Variants in WIPF3 observed in about 807,000 individuals in gnomAD.
WIPF3 encodes the protein WAS/WASL-interacting protein family member 3.
In WIPF3, 33 loss-of-function variants were observed where a neutral mutation model predicts 38.9. The ratio of observed to expected loss-of-function variants is 0.85; its 90% CI spans 0.64 to 1.14. WIPF3 has a LOEUF of 1.14. WIPF3 is among the 50% of genes most tolerant of loss of function. The pLI is 0.00. For missense variants in WIPF3, 711 were observed against 652.5 expected (o/e 1.09, Z -0.98); for synonymous variants, 324 against 269.3 (o/e 1.20, Z -1.99).
intron 2 of WIPF3, among the ~76,000 whole-genome samples, chr7:29,849,115 A>G (rs1184787624): frequency 6.6e-6 from 1 of 152,062 alleles, no homozygotes; most frequent in Non-Finnish European, 1.5e-5. Context: ...TATTCCCCTT[A>G]TCTCGACCCC....
chr7:29,859,470 A>G (rs1007962959), intron 2 of WIPF3, among the ~76,000 whole-genome samples: 7 of 152,116 alleles, frequency 4.6e-5, no homozygotes, highest in Admixed American at 1.3e-4. Context: ...GGAATGCTTT[A>G]TGTGAGTGTT....
chr7:29,845,902 C>T (rs10488081), intron 2 of WIPF3, among the ~76,000 whole-genome samples: 1,631 of 152,308 alleles, frequency 0.011, 36 homozygotes, highest in East Asian at 0.084. Flanking sequence ...ATGAGCTAAC[C>T]AACCACGATT....
chr7:29,904,014 C>A (rs1006120298), intron 7 of WIPF3, among the ~76,000 whole-genome samples: 2 of 152,074 alleles, frequency 1.3e-5, no homozygotes, highest in African/African-American at 4.8e-5. Context: ...GGATGAGCAT[C>A]CCTGGAGATG....
rs1786578411 is a variant in WIPF3, at chr7:29,914,939, A to C, written c.*423A>C. 6.5e-6 allele frequency: 1 copy of C among 153,474 alleles called. No individual in the cohort carries two copies. The highest frequency in any genetic ancestry group is 2.1e-4 in the South Asian group (1 of 4,840). The allele number at this position is 153,474 out of a possible 1,614,324, so 9.5% of individuals were successfully genotyped here. A position where few individuals can be genotyped will look rare whatever the true frequency, so the allele number is the denominator to read the frequency against. On this transcript the variant is annotated 3_prime_UTR_variant, in exon 9 of 9. Coordinates refer to ENST00000242140, the MANE Select transcript of WIPF3 (RefSeq NM_001080529.3). ...CATAATTTCATATTCTCATCACACT[A>C]ACTGCAAAATCAAACCAAATAATGC... is the stretch of plus-strand genomic sequence containing the variant.
At chr7:29,822,123 G>GTTT in intron 1 of WIPF3, among the ~76,000 whole-genome samples, 12,447 of 62,496 alleles carry the variant, frequency 0.2, 1,436 homozygotes, top group African/African-American at 0.26. Flanking sequence ...TTTTTTCTTA[G>GTTT]TTTTTTTTTT....
chr7:29,845,207 C>G (rs1412341245), intron 2 of WIPF3, among the ~76,000 whole-genome samples: 1 of 152,098 alleles, frequency 6.6e-6, no homozygotes, highest in Non-Finnish European at 1.5e-5. Flanking sequence ...AGATGCAGTG[C>G]AAAGGAACTC....
intron 2 of WIPF3, among the ~76,000 whole-genome samples, chr7:29,862,821 C>T (rs966056035): frequency 1.3e-5 from 2 of 152,156 alleles, no homozygotes; most frequent in Non-Finnish European, 2.9e-5. Context: ...TTCTCTTCTT[C>T]CCCACCTTCC....
intron 2 of WIPF3, among the ~76,000 whole-genome samples, chr7:29,867,283 A>C (rs1158137854): frequency 6.6e-6 from 1 of 152,240 alleles, no homozygotes; most frequent in East Asian, 1.9e-4. Flanking sequence ...GCAAGGAGCC[A>C]TAGGGACCTT....
At chr7:29,848,345 A>G (rs13438578) in intron 2 of WIPF3, among the ~76,000 whole-genome samples, 16,999 of 152,220 alleles carry the variant, frequency 0.11, 1,017 homozygotes, top group African/African-American at 0.15. Flanking sequence ...TCGTCATTTC[A>G]CAAGCAGCTT....
chr7:29,838,162 C>T (rs896814314), intron 2 of WIPF3, among the ~76,000 whole-genome samples: 1 of 152,198 alleles, frequency 6.6e-6, no homozygotes, highest in Non-Finnish European at 1.5e-5. Context: ...TTGTGATCCA[C>T]CTGCCTCAGC....
chr7:29,809,012 C>A lies in WIPF3; in HGVS notation c.-58+2334C>A, dbSNP rs376729965. ...AATGTTGAAGTTTTTAAAAAAGAAA[C>A]CTACACAAATAACTCAGCAAAAGGA... On this transcript the variant is annotated intron_variant, in intron 1 of 8. Transcript: ENST00000242140. Among the ~76,000 whole-genome samples the A allele has an allele frequency of 1.4e-4, 21 of 152,100 alleles. No homozygotes were observed. The East Asian group carries it at 3.3e-3, about 24-fold the overall frequency.
At chr7:29,880,364 A>G (rs1280652138) in intron 4 of WIPF3, among the ~76,000 whole-genome samples, 2 of 152,224 alleles carry the variant, frequency 1.3e-5, no homozygotes, top group Admixed American at 6.5e-5. Flanking sequence ...TCCAGCAAAG[A>G]AAAAGACTCT....
At position 29,888,152 on chromosome 7, in the gene WIPF3, C is replaced by A; in HGVS notation, c.1184C>A (p.Ala395Asp). The A allele has an allele frequency of 6.2e-7, 1 of 1,613,716 alleles. No homozygotes were observed. The highest frequency in any genetic ancestry group is 1.1e-5 in the South Asian group (1 of 91,002). The change falls in exon 6 of 9, where the codon GCC (alanine) becomes GAC (aspartate). Residue 395 changes from alanine to aspartate, a missense_variant. Ala to Asp is a moderately radical substitution (Grantham distance 126, BLOSUM62 -2). Transcript: ENST00000242140. ...TTELSSKSQQ[A>D]TAWTPTQQPG... is the part of the protein sequence containing the mutation. ...GAGCTTTCAAGCAAGAGCCAGCAGG[C>A]CACAGCCTGGACCCCGACGCAGCAG...
chr7:29,884,675 A>G, intron 5 of WIPF3, 82 bp downstream of exon 5: 2 of 1,471,412 alleles, frequency 1.4e-6, no homozygotes, highest in Non-Finnish European at 1.8e-6. Context: ...TGTTGGAGGT[A>G]TTCGTTTCAG....
chr7:29,882,615 C>CT (rs1018920386), intron 4 of WIPF3, among the ~76,000 whole-genome samples: 9 of 152,182 alleles, frequency 5.9e-5, no homozygotes, highest in Non-Finnish European at 1.3e-4. Context: ...ACATCCAGTA[C>CT]TTTAAGTGTA....
intron 2 of WIPF3, among the ~76,000 whole-genome samples, chr7:29,861,419 T>C (rs114122062): frequency 2.6e-5 from 4 of 152,116 alleles, no homozygotes; most frequent in Non-Finnish European, 5.9e-5. Flanking sequence ...ACAAGAGAGA[T>C]TTTTCTTAAA....
At chr7:29,851,279 G>C (rs1019294690) in intron 2 of WIPF3, among the ~76,000 whole-genome samples, 4 of 152,182 alleles carry the variant, frequency 2.6e-5, no homozygotes, top group African/African-American at 9.7e-5. Context: ...AGAATGTGAA[G>C]CTCACTTCCT....
At chr7:29,840,767 T>A (rs909982860) in intron 2 of WIPF3, among the ~76,000 whole-genome samples, 1 of 152,068 alleles carries the variant, frequency 6.6e-6, no homozygotes, top group East Asian at 1.9e-4. Context: ...AAATACAACA[T>A]GGGCAAGAGG....
chr7:29,909,895 C>CAA (rs57930525), intron 8 of WIPF3, among the ~76,000 whole-genome samples: 21,102 of 99,274 alleles, frequency 0.21, 1,595 homozygotes, highest in Middle Eastern at 0.23. Context: ...AACCCTGTCT[C>CAA]AAAAAAAAAA....
Sources: allele counts gnomAD v4.1 joint callset (sites outside exome capture counted in the v4.1 genomes callset), GRCh38; gene constraint gnomAD v4.1.1; transcripts MANE v1.5; gene names NCBI Gene and HGNC (gene_info 2026-07-23, HGNC 2026-07-21).